PPP6R3: variants seen among roughly 807,000 people sequenced by gnomAD.
PPP6R3 encodes serine/threonine-protein phosphatase 6 regulatory subunit 3.
A neutral mutation model predicts 110.7 loss-of-function variants in PPP6R3; 38 were observed. The ratio of observed to expected loss-of-function variants is 0.34; its 90% CI spans 0.26 to 0.45. The LOEUF is 0.45. PPP6R3 is among the 20% of genes least tolerant of loss of function. The pLI is 1.00. For synonymous variants in PPP6R3, 369 were observed against 373.5 expected, an observed-to-expected ratio of 0.99 and a Z score of 0.14; for missense variants, 870 against 1,062.4, an observed-to-expected ratio of 0.82 and a Z score of 2.52.
chr11:68,511,375 A>G (rs1200742952), intron 1 of PPP6R3, among the ~76,000 whole-genome samples: 4 of 149,752 alleles, frequency 2.7e-5, no homozygotes, highest in East Asian at 4.1e-4. Flanking sequence ...CATGTATACT[A>G]TTTATAGCTG....
At chr11:68,547,924 A>AT (rs1361573111) in intron 4 of PPP6R3, 143 bp from the exon 5 acceptor site, 1 of 819,042 alleles carries the variant, frequency 1.2e-6, no homozygotes, top group Admixed American at 3.6e-5. Context: ...TTCCAATTTG[A>AT]TACCTTGTTG....
At chr11:68,576,214 G>A (rs976313511) in intron 14 of PPP6R3, among the ~76,000 whole-genome samples, 171 bp downstream of exon 14, 23 of 152,150 alleles carry the variant, frequency 1.5e-4, no homozygotes, top group African/African-American at 5.6e-4. Context: ...TTGCCCATTT[G>A]TCTAGTCCAC....
At chr11:68,506,294 C>T (rs538709660) in intron 1 of PPP6R3, among the ~76,000 whole-genome samples, 58 of 150,636 alleles carry the variant, frequency 3.9e-4, no homozygotes, top group South Asian at 6.3e-4. Context: ...TTAGTAGAGA[C>T]GGGGTCTTGC....
At chr11:68,475,268 A>T (rs2098820353) in intron 1 of PPP6R3, among the ~76,000 whole-genome samples, 1 of 152,210 alleles carries the variant, frequency 6.6e-6, no homozygotes, top group Non-Finnish European at 1.5e-5. Flanking sequence ...AAGGCAGAAG[A>T]ATTTTTCTTA....
intron 23 of PPP6R3, 42 bp downstream of exon 23, chr11:68,610,065 A>G: frequency 6.2e-7 from 1 of 1,603,270 alleles, no homozygotes; most frequent in Non-Finnish European, 8.5e-7. Context: ...CCCTGCCCTG[A>G]CCTTGCCTGT....
intron 16 of PPP6R3, 79 bp from the exon 17 acceptor site, chr11:68,590,581 T>A: frequency 7.2e-7 from 1 of 1,395,002 alleles, no homozygotes; most frequent in Admixed American, 2.4e-5. Context: ...TATCTTAAAT[T>A]TGGAAACTTT....
rs747727465 is a variant in PPP6R3 at position 68,575,965 on chromosome 11, C to G, written c.1467C>G (p.Pro489=). 1 of 1,609,340 alleles carries G rather than the reference C, an allele frequency of 6.2e-7. No individual in the cohort carries two copies. Among genetic ancestry groups the G allele is most frequent in the Non-Finnish European group, 8.5e-7 (1 of 1,176,952 alleles). Residue 489 remains proline (P), a synonymous_variant, in exon 14 of 24, where the codon CCC becomes CCG. Transcript: ENST00000393800. ...ALVQQLIKDL[P]DEVRERWETF... ...GCTTTTCTCACTCTGAAGATCTTCC[C>G]GACGAAGTCAGGGAACGATGGGAGA...
intron 12 of PPP6R3, among the ~76,000 whole-genome samples, chr11:68,572,274 C>T (rs2099510436): frequency 6.6e-6 from 1 of 152,126 alleles, no homozygotes; most frequent in South Asian, 2.1e-4. Flanking sequence ...CTGGCCAGGG[C>T]TCAGATATCC....
chr11:68,491,767 A>G (rs550699287), intron 1 of PPP6R3, among the ~76,000 whole-genome samples: 2 of 152,186 alleles, frequency 1.3e-5, no homozygotes, highest in Admixed American at 6.5e-5. Context: ...ACTGAAACAC[A>G]GTAGCCATTA....
At chr11:68,594,085 T>C (rs2099603961) in intron 18 of PPP6R3, among the ~76,000 whole-genome samples, 1 of 151,952 alleles carries the variant, frequency 6.6e-6, no homozygotes, top group Non-Finnish European at 1.5e-5. Flanking sequence ...ATGTTAACAC[T>C]AAGAAAAAGC....
chr11:68,519,524 C>T lies in PPP6R3; in HGVS notation c.-134C>T. Reference sequence around the variant, plus strand: ...AGGAGAGCTTGTTTCATATCCATATCCCACTGTATTCCTGCTAATCTGCTA... The same window carrying T: ...AGGAGAGCTTGTTTCATATCCATATTCCACTGTATTCCTGCTAATCTGCTA... On this transcript the variant is annotated 5_prime_UTR_variant, in exon 2 of 24. Coordinates refer to ENST00000393800, the MANE Select transcript of PPP6R3 (RefSeq NM_001164161.2). The T allele has an allele frequency of 2.5e-6, 1 of 398,198 alleles. No homozygotes were observed. Among genetic ancestry groups the T allele is most frequent in the Non-Finnish European group, 4.4e-6 (1 of 225,896 alleles). 24.7% of individuals were successfully genotyped at this position (398,198 alleles called of 1,614,324 possible).
intron 8 of PPP6R3, among the ~76,000 whole-genome samples, chr11:68,562,120 C>T (rs1380455264): frequency 6.6e-6 from 1 of 151,690 alleles, no homozygotes; most frequent in Non-Finnish European, 1.5e-5. Context: ...ATGAAGTCAG[C>T]ACTCAAAAGT....
At chr11:68,478,098 C>T (rs1160027723) in intron 1 of PPP6R3, among the ~76,000 whole-genome samples, 2 of 151,974 alleles carry the variant, frequency 1.3e-5, no homozygotes, top group African/African-American at 2.4e-5. Context: ...TACAGGCACC[C>T]GCCACCATGC....
intron 23 of PPP6R3, among the ~76,000 whole-genome samples, chr11:68,610,807 G>T (rs1247327578): frequency 1.3e-5 from 2 of 152,206 alleles, no homozygotes; most frequent in East Asian, 3.9e-4. Context: ...GGAATAAAAT[G>T]ACCTTTAAAG....
chr11:68,554,051 T>C (rs2099390558), intron 6 of PPP6R3, 94 bp from the exon 7 acceptor site: 1 of 938,502 alleles, frequency 1.1e-6, no homozygotes, highest in African/African-American at 1.7e-5. Context: ...CAGTGTTAAT[T>C]TGTTATTTCT....
intron 15 of PPP6R3, among the ~76,000 whole-genome samples, chr11:68,584,483 C>A (rs1362863136): frequency 1.3e-5 from 2 of 152,160 alleles, no homozygotes; most frequent in Non-Finnish European, 2.9e-5. Context: ...TGTAAATTAT[C>A]AAGGTAATTT....
rs560014769 is a variant in PPP6R3 at position 68,461,434 on chromosome 11, T to C, written c.-158+607T>C. On this transcript the variant is annotated intron_variant, in intron 1 of 23. Transcript: ENST00000393800. ...CCCTTCCCAGTGGCTTTTTAACTCCTGTGAGGTGGCTTGTATGTAAACTGT... is the reference window on the plus strand; with the variant it reads ...CCCTTCCCAGTGGCTTTTTAACTCCCGTGAGGTGGCTTGTATGTAAACTGT... Among the ~76,000 whole-genome samples the C allele has an allele frequency of 2.1e-5, 3 of 144,166 alleles. No individual in the cohort carries two copies. The East Asian group carries it at 6.6e-4, about 32-fold the overall frequency. 94.6% of individuals were successfully genotyped at this position (144,166 alleles called of 152,430 possible).
chr11:68,487,582 T>A (rs943923154), intron 1 of PPP6R3, among the ~76,000 whole-genome samples: 27 of 151,786 alleles, frequency 1.8e-4, no homozygotes, highest in Non-Finnish European at 2.8e-4. Context: ...AAAAAAAAAA[T>A]TGTATTTTTT....
Position 68,601,965 on chromosome 11 carries a change from A to T in PPP6R3, c.2295A>T (p.Pro765=). Residue 765 remains proline, a synonymous_variant, in exon 21 of 24, where the codon CCA becomes CCT. Coordinates refer to ENST00000393800, the MANE Select transcript of PPP6R3 (RefSeq NM_001164161.2). The part of the protein sequence containing the change: ...TPSAAALAVQ[P]EAAGSVAMEA... ...GTGCGGCTGCCCTGGCAGTGCAGCC[A>T]GAAGGTGCGTGCAGAGAGGCCTGGG... The T allele has an allele frequency of 6.2e-7, 1 of 1,611,298 alleles. No homozygotes were observed. The highest frequency in any genetic ancestry group is 1.3e-5 in the African/African-American group (1 of 74,980).
Sources: gnomAD v4.1 joint callset for allele counts (sites outside exome capture counted in the v4.1 genomes callset) on GRCh38, gnomAD v4.1.1 for gene constraint, MANE v1.5 for transcripts, NCBI Gene and HGNC (gene_info 2026-07-23, HGNC 2026-07-21) for gene names.